Variants in UTS2 observed in about 807,000 individuals in gnomAD.
UTS2 encodes the protein urotensin-2.
Under a neutral mutation model 12.6 loss-of-function variants are expected in UTS2, and 10 were observed. The ratio of observed to expected loss-of-function variants is 0.80; its 90% CI spans 0.49 to 1.35. The LOEUF is 1.35. Ranked by LOEUF, UTS2 falls within the 40% of genes most tolerant of loss-of-function variation. The pLI, the probability that UTS2 is intolerant of heterozygous loss-of-function variation, is 0.00. For missense variants in UTS2, 142 were observed against 143.2 expected, an observed-to-expected ratio of 0.99 and a Z score of 0.04; for synonymous variants, 52 against 50.0, an observed-to-expected ratio of 1.04 and a Z score of -0.17.
At chr1:7,882,354 T>C in the UTS2 span, among the ~76,000 whole-genome samples, 10 of 152,048 alleles carry the variant, frequency 6.6e-5, no homozygotes, top group African/African-American at 2.4e-4. Flanking sequence ...AAATAAATAG[T>C]GCTGGAGGAA....
the UTS2 span, among the ~76,000 whole-genome samples, chr1:7,887,098 G>C: frequency 6.8e-6 from 1 of 147,032 alleles, no homozygotes; most frequent in Non-Finnish European, 1.5e-5. Context: ...CCTGTGGCCA[G>C]GCTGTTTTTT....
the UTS2 span, among the ~76,000 whole-genome samples, chr1:7,863,868 A>T: frequency 6.6e-6 from 1 of 152,192 alleles, no homozygotes; most frequent in South Asian, 2.1e-4. Flanking sequence ...AGGGTCACTC[A>T]TGTGGCCCCA....
At chr1:7,912,076 AG>A in the UTS2 span, among the ~76,000 whole-genome samples, 1 of 152,222 alleles carries the variant, frequency 6.6e-6, no homozygotes, top group Non-Finnish European at 1.5e-5. Flanking sequence ...TGGGTTTGAC[AG>A]GCTCATCTCT....
the UTS2 span, among the ~76,000 whole-genome samples, chr1:7,902,916 C>T: frequency 6.6e-6 from 1 of 152,078 alleles, no homozygotes; most frequent in African/African-American, 2.4e-5. Flanking sequence ...CGAGGGAGGC[C>T]TGCGCGCTGG....
the UTS2 span, among the ~76,000 whole-genome samples, chr1:7,873,075 C>T: frequency 6.6e-6 from 1 of 152,202 alleles, no homozygotes; most frequent in Non-Finnish European, 1.5e-5. Context: ...AATGACAGCA[C>T]ATTTGTTTAC....
chr1:7,860,912 G>A, the UTS2 span, among the ~76,000 whole-genome samples: 1 of 148,974 alleles, frequency 6.7e-6, no homozygotes. Flanking sequence ...CATGGTGGTG[G>A]ACACCTGGAA....
chr1:7,889,424 A>C, the UTS2 span, among the ~76,000 whole-genome samples: 1 of 144,714 alleles, frequency 6.9e-6, no homozygotes, highest in African/African-American at 2.7e-5. Context: ...TGTGGGCAAC[A>C]GAGCAAGATC....
intron 1 of UTS2, 32 bp from the exon 2 acceptor site, chr1:7,850,954 G>T (rs1387417951): frequency 1.2e-6 from 2 of 1,605,424 alleles, no homozygotes; most frequent in East Asian, 2.2e-5. Context: ...TTAGAATTGG[G>T]TTCATCCTTC....
chr1:7,892,376 C>T, the UTS2 span, among the ~76,000 whole-genome samples: 219 of 151,068 alleles, frequency 1.4e-3, no homozygotes, highest in African/African-American at 5.2e-3. Flanking sequence ...CGCCTGCATT[C>T]GTGGGCTCTT....
the UTS2 span, among the ~76,000 whole-genome samples, chr1:7,906,463 G>GAA: frequency 9.3e-6 from 1 of 107,614 alleles, no homozygotes; most frequent in African/African-American, 3.6e-5. Flanking sequence ...AAGAAAGAAA[G>GAA]AAAGAAAGAA....
chr1:7,882,609 C>G, the UTS2 span, among the ~76,000 whole-genome samples: 1 of 152,140 alleles, frequency 6.6e-6, no homozygotes, highest in Non-Finnish European at 1.5e-5. Flanking sequence ...AGAAAACAAT[C>G]AACAGCATGA....
chr1:7,863,964 G>T, the UTS2 span, among the ~76,000 whole-genome samples: 7 of 152,098 alleles, frequency 4.6e-5, no homozygotes, highest in African/African-American at 1.2e-4. Flanking sequence ...CTCATCCCCC[G>T]GGGGGGTCTG....
At chr1:7,855,929 A>G (rs1638296875), upstream of UTS2, among the ~76,000 whole-genome samples, 2 of 151,756 alleles carry the variant, frequency 1.3e-5, no homozygotes, top group Non-Finnish European at 2.9e-5. Flanking sequence ...CTTAACCTCA[A>G]GCAATCCTCC....
chr1:7,871,822 T>TA, the UTS2 span, among the ~76,000 whole-genome samples: 1 of 152,088 alleles, frequency 6.6e-6, no homozygotes, highest in African/African-American at 2.4e-5. Context: ...ATTTAACTGA[T>TA]AAAAATATGT....
At chr1:7,897,222 T>C in the UTS2 span, among the ~76,000 whole-genome samples, 1 of 152,224 alleles carries the variant, frequency 6.6e-6, no homozygotes, top group African/African-American at 2.4e-5. Flanking sequence ...AGTAAATCTA[T>C]TTCTGGGATC....
the UTS2 span, among the ~76,000 whole-genome samples, chr1:7,871,337 C>T: frequency 1.4e-5 from 2 of 141,276 alleles, no homozygotes; most frequent in African/African-American, 2.8e-5. Context: ...CGTAACACAA[C>T]GTGCTCTCTC....
chr1:7,880,135 A>G, the UTS2 span, among the ~76,000 whole-genome samples: 2 of 151,994 alleles, frequency 1.3e-5, no homozygotes, highest in South Asian at 4.2e-4. Context: ...GCACACACCT[A>G]TAGTCCCAGC....
At chr1:7,901,630 G>GTATA in the UTS2 span, among the ~76,000 whole-genome samples, 11,308 of 150,766 alleles carry the variant, frequency 0.075, 535 homozygotes, top group African/African-American at 0.14. Context: ...GTGTGTGTGT[G>GTATA]TATATATATA....
upstream of UTS2, among the ~76,000 whole-genome samples, chr1:7,857,415 A>AT (rs1400059191): frequency 6.6e-6 from 1 of 152,162 alleles, no homozygotes; most frequent in Non-Finnish European, 1.5e-5. Context: ...TAACCAAAAG[A>AT]TTATAAAAAC....
Sources: allele counts gnomAD v4.1 joint callset (sites outside exome capture counted in the v4.1 genomes callset), GRCh38; gene constraint gnomAD v4.1.1; transcripts MANE v1.5; gene names NCBI Gene and HGNC (gene_info 2026-07-23, HGNC 2026-07-21).